CMIP: variants seen among roughly 807,000 people sequenced by gnomAD.
CMIP encodes c-Maf inducing protein, also known as C-Maf-inducing protein.
In CMIP, 13 loss-of-function variants were observed where a neutral mutation model predicts 97.3. The observed-to-expected ratio is 0.13, with a 90% CI of 0.09 to 0.21. The LOEUF is 0.21. CMIP is among the 10% of genes least tolerant of loss of function. CMIP has a pLI of 1.00. For missense variants in CMIP, 847 were observed against 1,024.9 expected (o/e 0.83, Z 2.37); for synonymous variants, 538 against 436.3 (o/e 1.23, Z -2.91).
Position 81,705,534 on chromosome 16 carries a change from C to T in CMIP, c.2127C>T (p.His709=), listed in dbSNP as rs755049558. The T allele has an allele frequency of 2.5e-6, 4 of 1,609,084 alleles. No homozygotes were observed. In the South Asian group the frequency reaches 4.4e-5, roughly 18 times the overall value. Residue 709 remains histidine (H), a synonymous_variant, in exon 19 of 21, where the codon CAC becomes CAT. Transcript: ENST00000537098. ...CTGGCCTTCGGCTCCTGTCGGAACA[C>T]CTCACCATGCTCCAGGTGCTGAACC... is the stretch of plus-strand genomic sequence containing the variant. The part of the protein sequence containing the change: ...GDAGLRLLSE[H]LTMLQVLNLC...
chr16:81,685,988 T>C (rs962941820), intron 10 of CMIP, among the ~76,000 whole-genome samples: 1 of 152,140 alleles, frequency 6.6e-6, no homozygotes, highest in Non-Finnish European at 1.5e-5. Context: ...CAGGTTCAGA[T>C]CCCAGCTCTC....
Position 81,532,803 on chromosome 16 carries a change from A to G in CMIP, c.301-74764A>G, listed in dbSNP as rs548574058. Among the ~76,000 whole-genome samples the G allele has an allele frequency of 2.2e-4, 34 of 152,226 alleles. No homozygotes were observed. In the East Asian group the frequency reaches 4.1e-3, roughly 18 times the overall value. On this transcript the variant is annotated intron_variant, in intron 1 of 20. Transcript: ENST00000537098. Reference sequence around the variant, plus strand: ...TGTGCCATGCTTGGCTGATCTCTCAATGATTAACTGTGTGACCTTGGACAC... The same window carrying G: ...TGTGCCATGCTTGGCTGATCTCTCAGTGATTAACTGTGTGACCTTGGACAC...
chr16:81,447,439 T>TA (rs1434017793), intron 1 of CMIP, among the ~76,000 whole-genome samples: 1 of 152,086 alleles, frequency 6.6e-6, no homozygotes, highest in Non-Finnish European at 1.5e-5. Flanking sequence ...CCTCCCCACT[T>TA]ACCTCCGATT....
At chr16:81,586,951 T>C (rs1378467425) in intron 1 of CMIP, among the ~76,000 whole-genome samples, 1 of 152,192 alleles carries the variant, frequency 6.6e-6, no homozygotes, top group Non-Finnish European at 1.5e-5. Context: ...TCTGGGGTGT[T>C]CCGGAATTCT....
At chr16:81,580,229 C>A (rs2091272763) in intron 1 of CMIP, among the ~76,000 whole-genome samples, 1 of 152,182 alleles carries the variant, frequency 6.6e-6, no homozygotes, top group African/African-American at 2.4e-5. Context: ...GGGCCGTGAT[C>A]AGACCCCTTT....
At chr16:81,633,505 A>G (rs1160120948) in intron 3 of CMIP, among the ~76,000 whole-genome samples, 2 of 152,352 alleles carry the variant, frequency 1.3e-5, no homozygotes, top group Non-Finnish European at 2.9e-5. Flanking sequence ...CAGCCGGCTA[A>G]CTCTGGAAGG....
chr16:81,540,979 CTT>C (rs35461140), intron 1 of CMIP, among the ~76,000 whole-genome samples: 14 of 141,882 alleles, frequency 9.9e-5, no homozygotes, highest in Admixed American at 2.8e-4. Context: ...TGCACCCGGC[CTT>C]TTTTTTTTTT....
At chr16:81,584,739 C>T (rs904965046) in intron 1 of CMIP, among the ~76,000 whole-genome samples, 2 of 152,196 alleles carry the variant, frequency 1.3e-5, no homozygotes, top group African/African-American at 4.8e-5. Flanking sequence ...CAGGAAATGA[C>T]TTTCTGTTCT....
At chr16:81,625,797 C>T (rs966218319) in intron 3 of CMIP, among the ~76,000 whole-genome samples, 1 of 152,204 alleles carries the variant, frequency 6.6e-6, no homozygotes, top group African/African-American at 2.4e-5. Flanking sequence ...CCTGGTGCCT[C>T]TCCACCTTCT....
chr16:81,536,756 T>C (rs1178155956), intron 1 of CMIP, among the ~76,000 whole-genome samples: 1 of 152,120 alleles, frequency 6.6e-6, no homozygotes, highest in East Asian at 1.9e-4. Context: ...TGCTTGTCTT[T>C]TTTTTTTCCA....
At chr16:81,447,794 A>G (rs950836696) in intron 1 of CMIP, among the ~76,000 whole-genome samples, 7 of 152,192 alleles carry the variant, frequency 4.6e-5, no homozygotes, top group Non-Finnish European at 7.4e-5. Flanking sequence ...GCCTTGCCTC[A>G]GGGCCTGTGA....
chr16:81,447,722 C>T (rs1905949033), intron 1 of CMIP, among the ~76,000 whole-genome samples: 1 of 152,224 alleles, frequency 6.6e-6, no homozygotes, highest in African/African-American at 2.4e-5. Context: ...CTTTCGTCAC[C>T]AAGCACTACA....
Position 81,693,572 on chromosome 16 carries a change from G to A in CMIP, c.1530+85G>A, listed in dbSNP as rs565202902. 31 of 1,419,984 alleles carry A rather than the reference G, an allele frequency of 2.2e-5. No individual in the cohort carries two copies. In the African/African-American group the frequency reaches 4.2e-4, roughly 19 times the overall value. 88.0% of individuals were successfully genotyped at this position (1,419,984 alleles called of 1,614,324 possible). On this transcript the variant is annotated intron_variant, in intron 13 of 20. Coordinates refer to ENST00000537098, the MANE Select transcript of CMIP (RefSeq NM_198390.3). ...GCCCCTTAGAGGCCTTCTGAAGCTT[G>A]TCACCAACAGGCATTCAGAACAGCT... is the stretch of plus-strand genomic sequence containing the variant.
chr16:81,524,558 T>G (rs960277375), intron 1 of CMIP, among the ~76,000 whole-genome samples: 1 of 152,222 alleles, frequency 6.6e-6, no homozygotes, highest in Non-Finnish European at 1.5e-5. Context: ...ACGTCATCAT[T>G]GCCCAAGGTA....
chr16:81,657,908 G>A (rs1375624389), intron 5 of CMIP, 92 bp downstream of exon 5: 23 of 1,061,196 alleles, frequency 2.2e-5, no homozygotes, highest in South Asian at 1.5e-4. Context: ...TGGCGCCTGC[G>A]TAATCCACCA....
At chr16:81,568,974 T>G (rs541527794) in intron 1 of CMIP, among the ~76,000 whole-genome samples, 1 of 152,336 alleles carries the variant, frequency 6.6e-6, no homozygotes, top group Admixed American at 6.5e-5. Flanking sequence ...AGTGAAAAAC[T>G]GTCAGCTTCT....
intron 1 of CMIP, among the ~76,000 whole-genome samples, chr16:81,531,540 G>A (rs138275648): frequency 6.6e-5 from 10 of 152,286 alleles, no homozygotes; most frequent in African/African-American, 9.6e-5. Flanking sequence ...GTCTCTACCC[G>A]CATGGTTAGT....
intron 1 of CMIP, among the ~76,000 whole-genome samples, chr16:81,465,701 C>T (rs1028274198): frequency 2.6e-5 from 4 of 152,226 alleles, no homozygotes; most frequent in South Asian, 2.1e-4. Flanking sequence ...TCGACCATTT[C>T]GCCTGTGGTG....
intron 1 of CMIP, among the ~76,000 whole-genome samples, chr16:81,463,428 A>G (rs918529618): frequency 6.6e-6 from 1 of 152,192 alleles, no homozygotes; most frequent in African/African-American, 2.4e-5. Flanking sequence ...AAAGGAGTTG[A>G]ACTTTCCCTT....
Sources: gnomAD v4.1 joint callset for allele counts (sites outside exome capture counted in the v4.1 genomes callset) on GRCh38, gnomAD v4.1.1 for gene constraint, MANE v1.5 for transcripts, NCBI Gene and HGNC (gene_info 2026-07-23, HGNC 2026-07-21) for gene names.